Variants in ZIM3 observed in about 807,000 individuals in gnomAD.
The protein encoded by ZIM3 is zinc finger protein 657.
ZIM3 carries 11 observed loss-of-function variants against 12.9 expected under a neutral mutation model. The observed-to-expected ratio is 0.85, with a 90% CI of 0.54 to 1.41. The LOEUF (loss-of-function observed/expected upper bound fraction) is 1.41. ZIM3 is among the 40% of genes most tolerant of loss of function. The pLI is 0.00. For missense variants in ZIM3, 604 were observed against 557.2 expected, an observed-to-expected ratio of 1.08 and a Z score of -0.85; for synonymous variants, 205 against 198.5, an observed-to-expected ratio of 1.03 and a Z score of -0.28.
Position 57,136,026 on chromosome 19 carries a change from A to T in ZIM3, c.311T>A (p.Val104Asp). ...CAGCGTTTCCTTATTGATTGATGGG[A>T]CTTCTCTTGCGAGACTCTCTTTCAC... Reference protein sequence around the residue: ...KDVKESLAREVPSINKETLTT... With the variant: ...KDVKESLAREDPSINKETLTT... The change falls in exon 5 of 5, where the codon GTC becomes GAC. Residue 104 changes from valine (V) to aspartate (D), a missense_variant. By Grantham distance (152) the Val-to-Asp change is radical. Transcript: ENST00000269834. The T allele has an allele frequency of 6.2e-7, 1 of 1,614,050 alleles. No homozygotes were observed. Among genetic ancestry groups the T allele is most frequent in the Non-Finnish European group, 8.5e-7 (1 of 1,180,002 alleles).
chr19:57,136,447 G>C (rs1283679995), intron 4 of ZIM3, among the ~76,000 whole-genome samples: 1 of 152,050 alleles, frequency 6.6e-6, no homozygotes. Flanking sequence ...TGGATTGCCT[G>C]AGGTCGGGGG....
chr19:57,139,856 G>C (rs547906700), intron 2 of ZIM3, among the ~76,000 whole-genome samples: 1 of 152,264 alleles, frequency 6.6e-6, no homozygotes, highest in East Asian at 1.9e-4. Context: ...TAATTTATCA[G>C]CTTTCCTTGC....
In ZIM3 at chr19:57,135,324, C is replaced by G. The variant is rs753383867; in HGVS notation, c.1013G>C (p.Ser338Thr). 1.1e-5 allele frequency: 18 copies of G among 1,613,962 alleles called. No individual in the cohort carries two copies. Among genetic ancestry groups the G allele is most frequent in the Non-Finnish European group, 1.5e-5 (18 of 1,180,034 alleles). ...IHTGEKPYKC[S>T]ICEKAFSQKS... ...CTGGGAAAAGGCCTTCTCACATATG[C>G]TACATTTATAGGGTTTCTCTCCCGT... Residue 338 changes from serine to threonine, a missense_variant, in exon 5 of 5, where the codon AGC becomes ACC. By Grantham distance (58) the Ser-to-Thr change is moderately conservative. Coordinates refer to ENST00000269834, the MANE Select transcript of ZIM3 (RefSeq NM_052882.1).
intron 2 of ZIM3, among the ~76,000 whole-genome samples, chr19:57,140,456 A>T (rs1481938952): frequency 1.3e-5 from 2 of 151,514 alleles, no homozygotes; most frequent in African/African-American, 4.9e-5. Context: ...GATTAAAGGG[A>T]TGAGCCACCG....
chr19:57,138,138 G>GGGAA (rs1568458972), intron 3 of ZIM3, among the ~76,000 whole-genome samples: 5 of 40,082 alleles, frequency 1.2e-4, no homozygotes, highest in South Asian at 1.2e-3. Flanking sequence ...GAGGGAGGGA[G>GGGAA]GGAAGGAAGG....
chr19:57,138,557 C>G lies in ZIM3; in HGVS notation c.57G>C (p.Gln19His). Residue 19 changes from glutamine (Q) to histidine (H), a missense_variant, in exon 3 of 5, where the codon CAG (glutamine) becomes CAC (histidine). By Grantham distance (24) the Gln-to-His change is conservative. Coordinates refer to ENST00000269834, the MANE Select transcript of ZIM3 (RefSeq NM_052882.1). ...TFEDVTVNFTQGEWQRLNPEQ... is the reference protein window; with the variant it reads ...TFEDVTVNFTHGEWQRLNPEQ... ...CGGGATTCAGCCGCTGCCACTCCCCCTGGGTGAAGTTCACAGTGACATCCT... is the reference window on the plus strand; with the variant it reads ...CGGGATTCAGCCGCTGCCACTCCCCGTGGGTGAAGTTCACAGTGACATCCT... 1 of 1,614,170 alleles carries G rather than the reference C, an allele frequency of 6.2e-7. No individual in the cohort carries two copies. The highest frequency in any genetic ancestry group is 2.2e-5 in the East Asian group (1 of 44,874).
In ZIM3 at chr19:57,134,666, C is replaced by G. The variant is rs1396173420; in HGVS notation, c.*252G>C. 2.3e-6 allele frequency: 1 copy of G among 430,886 alleles called. No individual in the cohort carries two copies. Among genetic ancestry groups the G allele is most frequent in the East Asian group, 3.8e-5 (1 of 25,998 alleles). 26.7% of individuals were successfully genotyped at this position (430,886 alleles called of 1,614,324 possible). A position where few individuals can be genotyped will look rare whatever the true frequency, so the allele number is the denominator to read the frequency against. On this transcript the variant is annotated 3_prime_UTR_variant, in exon 5 of 5. Transcript: ENST00000269834. ...GAATAAAACTCCATCAGGGTTTTAG[C>G]ACATTTGGTTTATTGCTACATCTTC...
chr19:57,137,047 A>C, intron 3 of ZIM3, 76 bp from the exon 4 acceptor site: 1 of 1,389,806 alleles, frequency 7.2e-7, no homozygotes. Flanking sequence ...AGTGTATATA[A>C]GCGCTTGCGT....
chr19:57,140,190 G>C (rs993779265), intron 2 of ZIM3, among the ~76,000 whole-genome samples: 3 of 151,910 alleles, frequency 2.0e-5, no homozygotes, highest in African/African-American at 4.8e-5. Context: ...TTTTGGCGGG[G>C]AAGGGGACAG....
rs1257227071 is a variant in ZIM3 at position 57,135,920 on chromosome 19, G to A, written c.417C>T (p.His139=). The A allele has an allele frequency of 6.2e-7, 1 of 1,613,946 alleles. No homozygotes were observed. Among genetic ancestry groups the A allele is most frequent in the African/African-American group, 1.3e-5 (1 of 74,878 alleles). ...CATCGTGAGAATTATTTTGTACATA[G>A]TGTTGCAAGGAAGATACATCATCTA... is the stretch of plus-strand genomic sequence containing the variant. ...LGIDDVSSLQ[H]YVQNNSHDDN... Residue 139 remains histidine (H), a synonymous_variant, in exon 5 of 5, where the codon CAC becomes CAT. Transcript: ENST00000269834.
chr19:57,135,957 A>G lies in ZIM3; in HGVS notation c.380T>C (p.Leu127Pro). ...GVECDGSKKI[L>P]PLGIDDVSSL... ...AGATACATCATCTATGCCCAGTGGA[A>G]GTATTTTCTTAGATCCGTCACATTC... The change falls in exon 5 of 5, where the codon CTT becomes CCT. Residue 127 changes from leucine (L) to proline (P), a missense_variant. By Grantham distance (98) the Leu-to-Pro change is moderately conservative (BLOSUM62 -3). Transcript: ENST00000269834. 2.5e-6 allele frequency: 4 copies of G among 1,614,182 alleles called. No individual in the cohort carries two copies. The highest frequency in any genetic ancestry group is 2.5e-6 in the Non-Finnish European group (3 of 1,180,044).
intron 3 of ZIM3, among the ~76,000 whole-genome samples, 194 bp downstream of exon 3, chr19:57,138,278 G>A (rs2086898831): frequency 6.6e-6 from 1 of 152,182 alleles, no homozygotes; most frequent in Non-Finnish European, 1.5e-5. Flanking sequence ...CCCGGCACTT[G>A]CCGACCCTGA....
At chr19:57,137,605 C>T (rs1220683525) in intron 3 of ZIM3, among the ~76,000 whole-genome samples, 2 of 151,530 alleles carry the variant, frequency 1.3e-5, no homozygotes, top group African/African-American at 2.4e-5. Context: ...CCCAGCTACT[C>T]GGGAGGCTAA....
At position 57,142,699 on chromosome 19, in the gene ZIM3, GA is replaced by G; in HGVS notation, c.-42-15del. On this transcript the variant is annotated splice_polypyrimidine_tract_variant and intron_variant, in intron 1 of 4. Coordinates refer to ENST00000269834, the MANE Select transcript of ZIM3 (RefSeq NM_052882.1). ...GGGAAGGCAGATCTGAGGGAAAATG[GA>G]AAAGAACCATGAAATAGCAGAATTC... is the stretch of plus-strand genomic sequence containing the variant. The G allele has an allele frequency of 6.3e-7, 1 of 1,593,406 alleles. No homozygotes were observed. The highest frequency in any genetic ancestry group is 8.6e-7 in the Non-Finnish European group (1 of 1,163,700).
chr19:57,136,259 T>C (rs141971869), intron 4 of ZIM3, among the ~76,000 whole-genome samples, 164 bp from the exon 5 acceptor site: 255 of 152,294 alleles, frequency 1.7e-3, no homozygotes, highest in African/African-American at 5.8e-3. Context: ...TGTGAGCTAA[T>C]GTTACATGAA....
intron 2 of ZIM3, among the ~76,000 whole-genome samples, chr19:57,139,568 AT>A (rs2086904842): frequency 6.6e-6 from 1 of 151,062 alleles, no homozygotes; most frequent in Non-Finnish European, 1.5e-5. Flanking sequence ...TCTACTAAAA[AT>A]ACAAAAATTA....
intron 2 of ZIM3, among the ~76,000 whole-genome samples, chr19:57,142,050 C>T (rs545713638): frequency 4.0e-5 from 6 of 151,898 alleles, no homozygotes; most frequent in African/African-American, 1.4e-4. Flanking sequence ...ATTAAAGCTT[C>T]TTCCTTGGCA....
Position 57,135,067 on chromosome 19 carries a change from A to G in ZIM3, c.1270T>C (p.Cys424Arg), listed in dbSNP as rs755209701. The G allele has an allele frequency of 5.6e-6, 9 of 1,614,100 alleles. No homozygotes were observed. Among genetic ancestry groups the G allele is most frequent in the Non-Finnish European group, 7.6e-6 (9 of 1,180,020 alleles). ...SGERTYRCSECGKTFIRKLNL... is the reference protein window; with the variant it reads ...SGERTYRCSERGKTFIRKLNL... Reference sequence around the variant, plus strand: ...AATTTCCGGATGAAGGTTTTTCCACATTCACTACATCTATAGGTCCTCTCT... The same window carrying G: ...AATTTCCGGATGAAGGTTTTTCCACGTTCACTACATCTATAGGTCCTCTCT... Residue 424 changes from cysteine (C) to arginine (R), a missense_variant, in exon 5 of 5, where the codon TGT (cysteine) becomes CGT (arginine). Physicochemically the swap from Cys to Arg is radical, Grantham distance 180. Coordinates refer to ENST00000269834, the MANE Select transcript of ZIM3 (RefSeq NM_052882.1).
rs1376029532 is a variant in ZIM3, at chr19:57,135,740, G to T, written c.597C>A (p.Ser199Arg). The change falls in exon 5 of 5, where the codon AGC becomes AGA. Residue 199 changes from serine to arginine, a missense_variant. Physicochemically the swap from Ser to Arg is moderately radical, Grantham distance 110 (BLOSUM62 -1). Coordinates refer to ENST00000269834, the MANE Select transcript of ZIM3 (RefSeq NM_052882.1). ...HACQKPFECH[S>R]CGRAFGEKWK... is the part of the protein sequence containing the mutation. ...ACTTCTCCCCGAATGCTCTTCCACA[G>T]CTATGACATTCAAAGGGTTTTTGAC... is the stretch of plus-strand genomic sequence containing the variant. The T allele has an allele frequency of 3.1e-6, 5 of 1,613,962 alleles. No individual in the cohort carries two copies. The highest frequency in any genetic ancestry group is 4.2e-6 in the Non-Finnish European group (5 of 1,180,024).
Sources: gnomAD v4.1 joint callset for allele counts (sites outside exome capture counted in the v4.1 genomes callset) on GRCh38, gnomAD v4.1.1 for gene constraint, MANE v1.5 for transcripts, NCBI Gene and HGNC (gene_info 2026-07-23, HGNC 2026-07-21) for gene names.